EHBP1: variants seen among roughly 807,000 people sequenced by gnomAD.
The protein encoded by EHBP1 is EH domain binding protein 1.
In EHBP1, 55 loss-of-function variants were observed where a neutral mutation model predicts 144.0. The observed-to-expected ratio is 0.38, with a 90% CI of 0.31 to 0.48. The LOEUF (loss-of-function observed/expected upper bound fraction) is 0.48, where lower values mean the gene tolerates loss of function less well. Ranked by LOEUF, EHBP1 falls within the 20% of genes least tolerant of loss-of-function variation. The probability of loss-of-function intolerance (pLI) is 0.98; values close to 1 mark genes in which losing one functional copy is unlikely to be tolerated. For synonymous variants in EHBP1, 469 were observed against 472.7 expected, an observed-to-expected ratio of 0.99 and a Z score of 0.10; for missense variants, 1,200 against 1,364.2, an observed-to-expected ratio of 0.88 and a Z score of 1.90.
At chr2:62,677,005 A>T (rs1416413027) in intron 1 of EHBP1, among the ~76,000 whole-genome samples, 2 of 152,202 alleles carry the variant, frequency 1.3e-5, no homozygotes, top group African/African-American at 4.8e-5. Flanking sequence ...TCTACAAAAA[A>T]TTTAAAACTT....
intron 8 of EHBP1, 71 bp from the exon 9 acceptor site, chr2:62,864,660 G>T (rs1018286760): frequency 2.0e-5 from 28 of 1,435,644 alleles, no homozygotes; most frequent in Admixed American, 2.1e-5. Flanking sequence ...ATATATTTGA[G>T]AACACTAAAC....
chr2:62,677,641 C>G (rs2033351175), intron 1 of EHBP1, among the ~76,000 whole-genome samples: 2 of 152,016 alleles, frequency 1.3e-5, no homozygotes, highest in Admixed American at 1.3e-4. Context: ...CCACCTACCC[C>G]ACTACCCGTT....
rs149782695 is a variant in EHBP1, at chr2:62,914,521, G to A, written c.1186-28197G>A. ...ATTAGTTTAGGTTTTATTTTGAAAT[G>A]TATAATCTCCCCAGTCAATGTTAGG... is the stretch of plus-strand genomic sequence containing the variant. On this transcript the variant is annotated intron_variant, in intron 10 of 22. Transcript: ENST00000431489. 2.0e-3 allele frequency among the ~76,000 whole-genome samples: 305 copies of A among 152,092 alleles called. 1 individual carries two copies. In the Middle Eastern group the frequency reaches 0.02, roughly 10 times the overall value.
At chr2:62,700,995 G>T (rs959794280), upstream of EHBP1, among the ~76,000 whole-genome samples, 1 of 152,108 alleles carries the variant, frequency 6.6e-6, no homozygotes, top group African/African-American at 2.4e-5. Flanking sequence ...CATTTCAGCT[G>T]CCCTTCTCCC....
At chr2:63,026,459 A>T (rs12474184) in intron 19 of EHBP1, among the ~76,000 whole-genome samples, 18,352 of 152,082 alleles carry the variant, frequency 0.12, 1,332 homozygotes, top group East Asian at 0.19. Flanking sequence ...TACATATTTG[A>T]ATTCATTTAG....
chr2:62,755,595 G>A (rs944217305), intron 3 of EHBP1, among the ~76,000 whole-genome samples: 4 of 152,158 alleles, frequency 2.6e-5, no homozygotes, highest in African/African-American at 9.7e-5. Flanking sequence ...CAGCAATATT[G>A]AAGAGTTTCA....
intron 19 of EHBP1, among the ~76,000 whole-genome samples, chr2:63,011,372 AGCAAT>A (rs2060261220): frequency 6.6e-6 from 1 of 151,930 alleles, no homozygotes; most frequent in Non-Finnish European, 1.5e-5. Context: ...AGCATAAAAA[AGCAAT>A]GTTAGTGTGT....
intron 19 of EHBP1, among the ~76,000 whole-genome samples, chr2:63,010,049 G>C (rs1011882841): frequency 6.6e-6 from 1 of 151,408 alleles, no homozygotes; most frequent in African/African-American, 2.4e-5. Flanking sequence ...GATAAGGGGG[G>C]ACTACTGTAT....
intron 7 of EHBP1, among the ~76,000 whole-genome samples, chr2:62,851,555 T>C (rs1425628189): frequency 6.6e-6 from 1 of 152,192 alleles, no homozygotes; most frequent in Non-Finnish European, 1.5e-5. Flanking sequence ...ACAGTACATA[T>C]TACTTTACTT....
At chr2:62,970,012 T>C (rs1263807700) in intron 14 of EHBP1, among the ~76,000 whole-genome samples, 1 of 152,144 alleles carries the variant, frequency 6.6e-6, no homozygotes, top group Non-Finnish European at 1.5e-5. Context: ...TGTAATTTTA[T>C]TTTTTATTTA....
chr2:62,857,256 G>A (rs898819288), intron 7 of EHBP1, among the ~76,000 whole-genome samples: 1 of 152,190 alleles, frequency 6.6e-6, no homozygotes, highest in African/African-American at 2.4e-5. Flanking sequence ...GCAATAAAAT[G>A]TGGTATGCCT....
chr2:62,910,539 A>G (rs566439978), intron 10 of EHBP1, among the ~76,000 whole-genome samples: 1 of 152,144 alleles, frequency 6.6e-6, no homozygotes, highest in South Asian at 2.1e-4. Context: ...TATTTTGCCT[A>G]CCATTATATT....
rs1486660715 is a variant in EHBP1, at chr2:62,864,791, A to G, written c.818A>G (p.Tyr273Cys). 6 of 1,614,080 alleles carry G rather than the reference A, an allele frequency of 3.7e-6. No homozygotes were observed. The highest frequency in any genetic ancestry group is 3.4e-6 in the Non-Finnish European group (4 of 1,179,954). ...GAAGACTCTTTTTATAATAACAGCT[A>G]TAATCCCTTTAAAGAGGTGCAGACT... is the stretch of plus-strand genomic sequence containing the variant. Reference protein sequence around the residue: ...KTEDSFYNNSYNPFKEVQTPQ... With the variant: ...KTEDSFYNNSCNPFKEVQTPQ... Residue 273 changes from tyrosine to cysteine, a missense_variant, in exon 9 of 23, where the codon TAT becomes TGT. By Grantham distance (194) the Tyr-to-Cys change is radical. Around this residue, in one of 6 missense-constraint regions of EHBP1, gnomAD observed 266 missense variants for 262.4 expected, o/e 1.01. Transcript: ENST00000431489.
At chr2:62,954,974 A>G (rs116202035) in intron 13 of EHBP1, among the ~76,000 whole-genome samples, 4,655 of 152,174 alleles carry the variant, frequency 0.031, 116 homozygotes, top group Middle Eastern at 0.092. Context: ...AATATTTTCA[A>G]TTGTTTTGTT....
intron 15 of EHBP1, among the ~76,000 whole-genome samples, chr2:62,982,942 A>G (rs573756707): frequency 1.3e-5 from 2 of 152,298 alleles, no homozygotes; most frequent in South Asian, 2.1e-4. Flanking sequence ...TATTCAGGCA[A>G]TCAAGAGACC....
intron 3 of EHBP1, among the ~76,000 whole-genome samples, chr2:62,759,017 G>C (rs1182523890): frequency 6.6e-6 from 1 of 152,158 alleles, no homozygotes; most frequent in East Asian, 1.9e-4. Flanking sequence ...TCTGTACTTA[G>C]TTCTGTACTA....
At chr2:62,702,343 G>A (rs899026649), upstream of EHBP1, among the ~76,000 whole-genome samples, 1 of 152,182 alleles carries the variant, frequency 6.6e-6, no homozygotes, top group Non-Finnish European at 1.5e-5. Flanking sequence ...GATAATTAAT[G>A]TAACTTGCAT....
intron 19 of EHBP1, among the ~76,000 whole-genome samples, chr2:63,006,005 A>G (rs2153231537): frequency 6.6e-6 from 1 of 152,038 alleles, no homozygotes; most frequent in South Asian, 2.1e-4. Flanking sequence ...AATACATTTG[A>G]CTTGTTCTGG....
At chr2:62,734,149 T>G (rs901959052) in intron 2 of EHBP1, among the ~76,000 whole-genome samples, 5 of 152,182 alleles carry the variant, frequency 3.3e-5, no homozygotes, top group Non-Finnish European at 7.3e-5. Flanking sequence ...GCAAATAGTT[T>G]TTCCCATTTT....
Sources: allele counts gnomAD v4.1 joint callset (sites outside exome capture counted in the v4.1 genomes callset), GRCh38; gene constraint gnomAD v4.1.1; regional missense constraint gnomAD v4.1.1; transcripts MANE v1.5; gene names NCBI Gene and HGNC (gene_info 2026-07-23, HGNC 2026-07-21).